The following GALNT13 variants were observed in gnomAD, a reference collection of about 807,000 sequenced individuals.
The protein encoded by GALNT13 is polypeptide N-acetylgalactosaminyltransferase 13, also known as UDP-GalNAc:polypeptide N-acetylgalactosaminyltransferase 13.
In GALNT13, 28 loss-of-function variants were observed where a neutral mutation model predicts 64.2. That is an observed-to-expected ratio of 0.44 (90% confidence interval 0.32 to 0.60). The LOEUF (loss-of-function observed/expected upper bound fraction) is 0.60. Ranked by LOEUF, GALNT13 falls within the 20% of genes least tolerant of loss-of-function variation. The probability of loss-of-function intolerance (pLI) is 0.05; values close to 1 mark genes in which losing one functional copy is unlikely to be tolerated. For synonymous variants in GALNT13, 214 were observed against 224.6 expected (o/e 0.95, Z 0.42); for missense variants, 577 against 669.8 (o/e 0.86, Z 1.53).
At chr2:153,998,657 G>T (rs1436978074) in intron 3 of GALNT13, among the ~76,000 whole-genome samples, 1 of 152,204 alleles carries the variant, frequency 6.6e-6, no homozygotes, top group South Asian at 2.1e-4. Context: ...GATCCCATTT[G>T]TCAATTTTGG....
chr2:154,155,906 T>C (rs1430382353), intron 4 of GALNT13, among the ~76,000 whole-genome samples: 3 of 149,636 alleles, frequency 2.0e-5, no homozygotes, highest in Non-Finnish European at 4.4e-5. Flanking sequence ...GGTTATACTT[T>C]TAGGATAAAA....
chr2:153,462,252 T>A, the GALNT13 span, among the ~76,000 whole-genome samples: 1 of 152,272 alleles, frequency 6.6e-6, no homozygotes, highest in East Asian at 1.9e-4. Flanking sequence ...AAATTATTTC[T>A]TGAAATTTAC....
the GALNT13 span, among the ~76,000 whole-genome samples, chr2:153,741,867 T>C: frequency 6.6e-6 from 1 of 152,260 alleles, no homozygotes; most frequent in Middle Eastern, 3.4e-3. Flanking sequence ...CAGATCATAG[T>C]TGTATAGATT....
chr2:153,574,074 A>G, the GALNT13 span, among the ~76,000 whole-genome samples: 1 of 149,860 alleles, frequency 6.7e-6, no homozygotes, highest in Admixed American at 6.6e-5. Flanking sequence ...GAAAGTTTTC[A>G]TTTCTCCTTC....
At chr2:153,132,977 C>G in the GALNT13 span, among the ~76,000 whole-genome samples, 1 of 151,966 alleles carries the variant, frequency 6.6e-6, no homozygotes, top group South Asian at 2.1e-4. Context: ...CCTGCCGTGG[C>G]CTCCCAAAGT....
chr2:153,732,006 C>T, the GALNT13 span, among the ~76,000 whole-genome samples: 9 of 152,004 alleles, frequency 5.9e-5, no homozygotes, highest in Non-Finnish European at 8.8e-5. Flanking sequence ...ATAGAATGCT[C>T]TCTTTTTTCA....
intron 9 of GALNT13, among the ~76,000 whole-genome samples, chr2:154,377,556 C>T (rs1698059722): frequency 6.6e-6 from 1 of 152,072 alleles, no homozygotes; most frequent in South Asian, 2.1e-4. Context: ...ATACATTCAC[C>T]TCAAATTATT....
chr2:153,380,785 A>G, the GALNT13 span, among the ~76,000 whole-genome samples: 15 of 152,168 alleles, frequency 9.9e-5, no homozygotes, highest in African/African-American at 3.6e-4. Flanking sequence ...TATTTTTGTC[A>G]TTTGTATTTT....
chr2:154,040,773 GA>G (rs918940385), intron 3 of GALNT13, among the ~76,000 whole-genome samples: 5 of 139,948 alleles, frequency 3.6e-5, no homozygotes, highest in African/African-American at 1.2e-4. Flanking sequence ...ATTGAACTGG[GA>G]AAATGATTTC....
the GALNT13 span, among the ~76,000 whole-genome samples, chr2:153,783,436 T>A: frequency 6.6e-6 from 1 of 152,144 alleles, no homozygotes. Context: ...TTTTCCCAGA[T>A]GAGAATGTAT....
the GALNT13 span, among the ~76,000 whole-genome samples, chr2:153,429,108 A>G: frequency 6.6e-6 from 1 of 152,130 alleles, no homozygotes; most frequent in Non-Finnish European, 1.5e-5. Context: ...CATCCATGTT[A>G]TCACCAATTA....
rs1010319230 is a variant in GALNT13 at position 153,944,702 on chromosome 2, T to C, written c.142+63T>C. ...TGAGAAAAGTGGTGCCTTGACAAAA[T>C]GAGAAACTTCAGAATCAGAAGAGTT... is the stretch of plus-strand genomic sequence containing the variant. On this transcript the variant is annotated intron_variant, in intron 3 of 12. Coordinates refer to ENST00000392825, the MANE Select transcript of GALNT13 (RefSeq NM_052917.4). The C allele has an allele frequency of 3.6e-6, 5 of 1,393,870 alleles. 1 individual carries two copies. In the Admixed American group the frequency reaches 6.2e-5, roughly 17 times the overall value. The allele number at this position is 1,393,870 out of a possible 1,614,324, so 86.3% of individuals were successfully genotyped here. A position where few individuals can be genotyped will look rare whatever the true frequency, so the allele number is the denominator to read the frequency against.
the GALNT13 span, among the ~76,000 whole-genome samples, chr2:153,771,090 G>T: frequency 6.6e-6 from 1 of 152,110 alleles, no homozygotes; most frequent in Admixed American, 6.5e-5. Flanking sequence ...GGTGGCTCAG[G>T]CTCCTAATCC....
At chr2:153,290,503 A>G in the GALNT13 span, among the ~76,000 whole-genome samples, 16 of 152,328 alleles carry the variant, frequency 1.1e-4, no homozygotes, top group Middle Eastern at 3.4e-3. Flanking sequence ...AGTAAGAATC[A>G]CTTCATTATA....
At chr2:153,637,949 T>C in the GALNT13 span, among the ~76,000 whole-genome samples, 3 of 150,558 alleles carry the variant, frequency 2.0e-5, no homozygotes, top group African/African-American at 7.5e-5. Context: ...GCATGGAAAA[T>C]AGAGAAACCA....
intron 9 of GALNT13, among the ~76,000 whole-genome samples, chr2:154,380,493 G>T (rs934726693): frequency 1.3e-5 from 2 of 151,914 alleles, no homozygotes; most frequent in Non-Finnish European, 2.9e-5. Flanking sequence ...TATATATTAA[G>T]AAATTAAATG....
chr2:153,144,531 A>C, the GALNT13 span, among the ~76,000 whole-genome samples: 1 of 151,934 alleles, frequency 6.6e-6, no homozygotes, highest in African/African-American at 2.4e-5. Context: ...GCACTGGAAC[A>C]CTCAAGTTAT....
intron 3 of GALNT13, among the ~76,000 whole-genome samples, chr2:153,964,915 AT>A (rs745362190): frequency 6.6e-6 from 1 of 152,116 alleles, no homozygotes; most frequent in Non-Finnish European, 1.5e-5. Flanking sequence ...ATATGTCTAT[AT>A]GGTAGTATTC....
chr2:153,934,461 A>G (rs1459260083), intron 2 of GALNT13, among the ~76,000 whole-genome samples: 1 of 152,158 alleles, frequency 6.6e-6, no homozygotes, highest in Non-Finnish European at 1.5e-5. Context: ...TTAGCTTGTT[A>G]TTATGTCATG....
Sources: allele counts gnomAD v4.1 joint callset (sites outside exome capture counted in the v4.1 genomes callset), GRCh38; gene constraint gnomAD v4.1.1; transcripts MANE v1.5; gene names NCBI Gene and HGNC (gene_info 2026-07-23, HGNC 2026-07-21).